GRIA1: variants seen among roughly 807,000 people sequenced by gnomAD.
The protein encoded by GRIA1 is glutamate ionotropic receptor AMPA type subunit 1, also known as glutamate receptor 1.
A neutral mutation model predicts 99.2 loss-of-function variants in GRIA1; 31 were observed. The ratio of observed to expected loss-of-function variants is 0.31; its 90% CI spans 0.23 to 0.42. GRIA1 has a LOEUF of 0.42. Among genes scored for constraint, GRIA1 ranks in the 10% least tolerant of loss-of-function variants. The pLI is 1.00. For missense variants in GRIA1, 782 were observed against 1,157.5 expected (o/e 0.68, Z 4.71); for synonymous variants, 438 against 432.4 (o/e 1.01, Z -0.16).
chr5:153,571,567 A>G (rs1406518508), intron 2 of GRIA1, among the ~76,000 whole-genome samples: 3 of 152,320 alleles, frequency 2.0e-5, no homozygotes, highest in Non-Finnish European at 4.4e-5. Context: ...AAAACTATAC[A>G]TGAGTCGTAC....
At chr5:153,532,152 G>A (rs1252571675) in intron 2 of GRIA1, among the ~76,000 whole-genome samples, 1 of 152,104 alleles carries the variant, frequency 6.6e-6, no homozygotes, top group Admixed American at 6.5e-5. Context: ...TTCTAAAATA[G>A]CTGAAAGTAT....
chr5:153,705,747 A>T lies in GRIA1; in HGVS notation c.1503A>T (p.Glu501Asp). 6.5e-7 allele frequency: 1 copy of T among 1,531,492 alleles called. No individual in the cohort carries two copies. Among genetic ancestry groups the T allele is most frequent in the East Asian group, 2.4e-5 (1 of 40,950 alleles). 94.9% of individuals were successfully genotyped at this position (1,531,492 alleles called of 1,614,324 possible). A position where few individuals can be genotyped will look rare whatever the true frequency, so the allele number is the denominator to read the frequency against. Residue 501 changes from glutamate (E) to aspartate (D), a missense_variant, in exon 11 of 16, where the codon GAA (glutamate) becomes GAT (aspartate). Coordinates refer to ENST00000285900, the MANE Select transcript of GRIA1 (RefSeq NM_000827.4). ...TAACTATCACTTTGGTCCGGGAAGAAGTTATAGATTTCTCCAAACCATTTA... is the reference window on the plus strand; with the variant it reads ...TAACTATCACTTTGGTCCGGGAAGATGTTATAGATTTCTCCAAACCATTTA... ...APLTITLVRE[E>D]VIDFSKPFMS... is the part of the protein sequence containing the mutation.
intron 2 of GRIA1, among the ~76,000 whole-genome samples, chr5:153,594,657 T>G (rs959536552): frequency 3.3e-5 from 5 of 152,152 alleles, no homozygotes; most frequent in African/African-American, 4.8e-5. Context: ...CCCTTGACTA[T>G]CTGCTCTTAT....
chr5:153,805,966 G>T (rs983405380), intron 15 of GRIA1, among the ~76,000 whole-genome samples: 6 of 152,148 alleles, frequency 3.9e-5, no homozygotes, highest in Admixed American at 3.3e-4. Flanking sequence ...TGCAGAAAAG[G>T]TACTTTCTTT....
At chr5:153,526,631 G>A (rs1398491124) in intron 2 of GRIA1, among the ~76,000 whole-genome samples, 1 of 152,226 alleles carries the variant, frequency 6.6e-6, no homozygotes, top group Non-Finnish European at 1.5e-5. Context: ...TGTGAATAAA[G>A]TTGTGTGAAT....
chr5:153,573,066 CA>C, intron 2 of GRIA1, among the ~76,000 whole-genome samples: 1 of 152,204 alleles, frequency 6.6e-6, no homozygotes, highest in African/African-American at 2.4e-5. Flanking sequence ...AGTGACAACC[CA>C]AATAAAGGAG....
At chr5:153,772,381 C>T (rs1367709571) in intron 13 of GRIA1, among the ~76,000 whole-genome samples, 1 of 151,944 alleles carries the variant, frequency 6.6e-6, no homozygotes, top group Non-Finnish European at 1.5e-5. Context: ...GGCAAGAAAT[C>T]ATTGCACAGT....
At chr5:153,695,755 C>T (rs1483850416) in intron 8 of GRIA1, among the ~76,000 whole-genome samples, 2 of 152,196 alleles carry the variant, frequency 1.3e-5, no homozygotes, top group Non-Finnish European at 2.9e-5. Flanking sequence ...GAACATGGTA[C>T]ACATGCCTGC....
intron 2 of GRIA1, among the ~76,000 whole-genome samples, chr5:153,628,292 A>G (rs1045272279): frequency 2.6e-5 from 4 of 152,098 alleles, no homozygotes; most frequent in African/African-American, 9.7e-5. Flanking sequence ...AGGAAAGTCT[A>G]TTTGCCTGTG....
chr5:153,545,445 G>C (rs1186799489), intron 2 of GRIA1, among the ~76,000 whole-genome samples: 1 of 152,126 alleles, frequency 6.6e-6, no homozygotes, highest in East Asian at 1.9e-4. Context: ...TGGCATGGCA[G>C]TCTGACATAC....
At chr5:153,636,645 CT>C (rs1396020229) in intron 2 of GRIA1, among the ~76,000 whole-genome samples, 1 of 152,170 alleles carries the variant, frequency 6.6e-6, no homozygotes, top group Non-Finnish European at 1.5e-5. Context: ...GTTGGAATGC[CT>C]GTGTTTGGAT....
chr5:153,769,940 A>G (rs1180075498), intron 12 of GRIA1, among the ~76,000 whole-genome samples: 4 of 152,158 alleles, frequency 2.6e-5, no homozygotes, highest in African/African-American at 9.7e-5. Flanking sequence ...AGAAGTAATT[A>G]AAAGATCTGA....
At chr5:153,784,347 T>C (rs1206778795) in intron 13 of GRIA1, among the ~76,000 whole-genome samples, 4 of 152,140 alleles carry the variant, frequency 2.6e-5, no homozygotes, top group African/African-American at 7.2e-5. Flanking sequence ...GCCTTCAGAC[T>C]CTTTCCTCCA....
At chr5:153,528,876 C>T (rs1003047389) in intron 2 of GRIA1, among the ~76,000 whole-genome samples, 20 of 152,140 alleles carry the variant, frequency 1.3e-4, no homozygotes, top group Non-Finnish European at 2.5e-4. Context: ...CATCACTGCC[C>T]CCACTTGCTT....
chr5:153,662,631 C>T (rs988153774), intron 5 of GRIA1, among the ~76,000 whole-genome samples: 2 of 152,086 alleles, frequency 1.3e-5, no homozygotes, highest in African/African-American at 2.4e-5. Context: ...TCTCACCCGG[C>T]GCCTCATTTT....
At chr5:153,572,864 A>G (rs1762236789) in intron 2 of GRIA1, among the ~76,000 whole-genome samples, 1 of 152,206 alleles carries the variant, frequency 6.6e-6, no homozygotes, top group South Asian at 2.1e-4. Flanking sequence ...GGCTGAGCGC[A>G]TTCTATTGTG....
intron 3 of GRIA1, among the ~76,000 whole-genome samples, chr5:153,647,867 C>T (rs1169308814): frequency 6.6e-6 from 1 of 152,212 alleles, no homozygotes; most frequent in East Asian, 1.9e-4. Flanking sequence ...CACTTCCCTT[C>T]TCCAATTTAC....
At chr5:153,550,196 G>A (rs972302959) in intron 2 of GRIA1, among the ~76,000 whole-genome samples, 1 of 151,848 alleles carries the variant, frequency 6.6e-6, no homozygotes, top group Non-Finnish European at 1.5e-5. Flanking sequence ...TATGTCAGGT[G>A]TTAGGGGTAT....
chr5:153,672,934 G>T (rs1179413592), intron 5 of GRIA1, among the ~76,000 whole-genome samples: 1 of 152,204 alleles, frequency 6.6e-6, no homozygotes, highest in Non-Finnish European at 1.5e-5. Context: ...TGGAAGATCT[G>T]CATGTGACTT....
Sources: gnomAD v4.1 joint callset for allele counts (sites outside exome capture counted in the v4.1 genomes callset) on GRCh38, gnomAD v4.1.1 for gene constraint, MANE v1.5 for transcripts, NCBI Gene and HGNC (gene_info 2026-07-23, HGNC 2026-07-21) for gene names.